Variants in SPMIP2 observed in about 807,000 individuals in gnomAD.
SPMIP2 encodes the protein protein SPMIP2.
chr4:158,908,514 G>A, the SPMIP2 span, among the ~76,000 whole-genome samples: 1 of 152,198 alleles, frequency 6.6e-6, no homozygotes, highest in African/African-American at 2.4e-5. Flanking sequence ...TTAGCAAGAA[G>A]TGGTCACTTG....
chr4:158,938,364 T>C, the SPMIP2 span, among the ~76,000 whole-genome samples: 1 of 152,242 alleles, frequency 6.6e-6, no homozygotes, highest in Non-Finnish European at 1.5e-5. Context: ...TCAAAAAGAT[T>C]ATGCAGTTCA....
the SPMIP2 span, among the ~76,000 whole-genome samples, chr4:159,075,861 C>T: frequency 4.0e-5 from 6 of 150,744 alleles, no homozygotes; most frequent in Non-Finnish European, 8.8e-5. Flanking sequence ...CAGTGATGAA[C>T]ATCCATGAGC....
At chr4:159,024,271 G>A in the SPMIP2 span, among the ~76,000 whole-genome samples, 1 of 152,174 alleles carries the variant, frequency 6.6e-6, no homozygotes, top group Admixed American at 6.5e-5. Flanking sequence ...TCTATCCACT[G>A]CAGACTTTTC....
At chr4:159,053,959 A>G in the SPMIP2 span, among the ~76,000 whole-genome samples, 3 of 152,194 alleles carry the variant, frequency 2.0e-5, no homozygotes, top group South Asian at 6.2e-4. Flanking sequence ...AAGAAAATAA[A>G]CAAATCCAGA....
chr4:158,895,078 C>T, the SPMIP2 span, among the ~76,000 whole-genome samples: 1 of 152,132 alleles, frequency 6.6e-6, no homozygotes, highest in Non-Finnish European at 1.5e-5. Context: ...GTGAAAGACA[C>T]AGATGGTTGC....
At chr4:159,079,879 G>T in the SPMIP2 span, among the ~76,000 whole-genome samples, 1 of 151,596 alleles carries the variant, frequency 6.6e-6, no homozygotes, top group Admixed American at 6.6e-5. Context: ...TTCTCAAGCT[G>T]AAAAAAAAGT....
At chr4:158,908,462 T>C in the SPMIP2 span, among the ~76,000 whole-genome samples, 1 of 152,266 alleles carries the variant, frequency 6.6e-6, no homozygotes, top group Non-Finnish European at 1.5e-5. Context: ...GCAATTGTTG[T>C]ATAAATTGAG....
chr4:159,072,189 C>T, the SPMIP2 span, among the ~76,000 whole-genome samples: 3 of 152,132 alleles, frequency 2.0e-5, no homozygotes, highest in Admixed American at 1.3e-4. Context: ...TGGCGCATGC[C>T]TGTAGTCATA....
chr4:158,902,375 C>A, the SPMIP2 span, among the ~76,000 whole-genome samples: 2 of 152,160 alleles, frequency 1.3e-5, no homozygotes, highest in African/African-American at 4.8e-5. Context: ...CCCAGAGGGG[C>A]ACCCACCAGA....
chr4:158,939,513 T>C, the SPMIP2 span, among the ~76,000 whole-genome samples: 5 of 152,254 alleles, frequency 3.3e-5, no homozygotes, highest in Non-Finnish European at 7.3e-5. Flanking sequence ...AAATATTCAG[T>C]ATTCAAAAGT....
At chr4:158,987,432 C>G in the SPMIP2 span, among the ~76,000 whole-genome samples, 1 of 152,028 alleles carries the variant, frequency 6.6e-6, no homozygotes, top group South Asian at 2.1e-4. Flanking sequence ...CACATATACA[C>G]CATGGAATAC....
the SPMIP2 span, among the ~76,000 whole-genome samples, chr4:158,952,266 C>T: frequency 2.8e-4 from 43 of 152,260 alleles, no homozygotes; most frequent in African/African-American, 9.6e-4. Context: ...TGTGTCCCCA[C>T]CCAAATCTCA....
chr4:158,909,902 C>T, the SPMIP2 span, among the ~76,000 whole-genome samples: 9 of 152,208 alleles, frequency 5.9e-5, no homozygotes, highest in South Asian at 1.7e-3. Context: ...ATTAGCCGGC[C>T]GTGGTGGCAC....
the SPMIP2 span, among the ~76,000 whole-genome samples, chr4:158,949,820 C>T: frequency 6.6e-6 from 1 of 152,162 alleles, no homozygotes; most frequent in Non-Finnish European, 1.5e-5. Flanking sequence ...AGCAGACAGA[C>T]CACAAGAAAG....
the SPMIP2 span, chr4:158,972,939 A>T: frequency 1.6e-6 from 1 of 627,786 alleles, no homozygotes; most frequent in South Asian, 2.1e-5. Flanking sequence ...TTATTCACAC[A>T]TGTGTCTTTC....
the SPMIP2 span, among the ~76,000 whole-genome samples, chr4:158,967,291 CT>C: frequency 1.3e-5 from 2 of 152,058 alleles, no homozygotes; most frequent in South Asian, 4.1e-4. Flanking sequence ...GTGATTTGGT[CT>C]CCCTAGACAA....
chr4:159,039,435 A>G, the SPMIP2 span, among the ~76,000 whole-genome samples: 3 of 152,186 alleles, frequency 2.0e-5, no homozygotes, highest in African/African-American at 7.2e-5. Flanking sequence ...TGTGTATCGA[A>G]GAGTAAGAAT....
chr4:159,020,631 G>C, the SPMIP2 span, among the ~76,000 whole-genome samples: 1 of 152,158 alleles, frequency 6.6e-6, no homozygotes, highest in Non-Finnish European at 1.5e-5. Context: ...TCTGAACTCT[G>C]CTTTAACAGA....
At chr4:158,911,400 C>A in the SPMIP2 span, among the ~76,000 whole-genome samples, 1 of 122,350 alleles carries the variant, frequency 8.2e-6, no homozygotes, top group Non-Finnish European at 1.8e-5. Context: ...AATAAAAGCC[C>A]AGCCCTGTGC....
Sources: allele counts gnomAD v4.1 joint callset (sites outside exome capture counted in the v4.1 genomes callset), GRCh38; gene constraint gnomAD v4.1.1; transcripts MANE v1.5; gene names NCBI Gene and HGNC (gene_info 2026-07-23, HGNC 2026-07-21).